The following SLC35D4 variants were observed in gnomAD, a reference collection of about 807,000 sequenced individuals.
The protein encoded by SLC35D4 is UDP-N-acetylglucosamine transporter SLC35D4.
At chr18:23,354,498 C>T in the SLC35D4 span, among the ~76,000 whole-genome samples, 49 of 142,504 alleles carry the variant, frequency 3.4e-4, no homozygotes, top group Non-Finnish European at 5.6e-4. Flanking sequence ...CTAACCTGGG[C>T]GACAGAGCGA....
At chr18:23,252,977 C>T in the SLC35D4 span, 22 of 1,611,590 alleles carry the variant, frequency 1.4e-5, no homozygotes, top group Non-Finnish European at 1.7e-5. Context: ...TGATTGACTA[C>T]GTGAAGCCCT....
the SLC35D4 span, chr18:23,371,490 A>G: frequency 6.3e-7 from 1 of 1,586,298 alleles, no homozygotes; most frequent in Non-Finnish European, 8.6e-7. Flanking sequence ...AAAATTAAAA[A>G]AAGAAAAAAT....
At chr18:23,386,963 G>A in the SLC35D4 span, among the ~76,000 whole-genome samples, 3 of 152,158 alleles carry the variant, frequency 2.0e-5, no homozygotes, top group South Asian at 2.1e-4. Flanking sequence ...GGGCTGGAGC[G>A]CAGTGGTGCC....
At chr18:23,281,765 T>C in the SLC35D4 span, among the ~76,000 whole-genome samples, 3 of 152,306 alleles carry the variant, frequency 2.0e-5, no homozygotes, top group East Asian at 5.8e-4. Context: ...CAGAGAGATT[T>C]TGCCTCGAGG....
At chr18:23,397,918 T>C in the SLC35D4 span, among the ~76,000 whole-genome samples, 1 of 152,108 alleles carries the variant, frequency 6.6e-6, no homozygotes, top group Non-Finnish European at 1.5e-5. Flanking sequence ...CTGGGTGTAT[T>C]GGCAAGTACC....
the SLC35D4 span, among the ~76,000 whole-genome samples, chr18:23,404,091 C>G: frequency 3.0e-4 from 46 of 152,228 alleles, no homozygotes; most frequent in African/African-American, 1.1e-3. Flanking sequence ...GCACTCCAGC[C>G]TGGCGATAGA....
the SLC35D4 span, among the ~76,000 whole-genome samples, chr18:23,265,600 A>G: frequency 6.6e-6 from 1 of 151,886 alleles, no homozygotes; most frequent in Non-Finnish European, 1.5e-5. Context: ...TTTGGCTACA[A>G]TGACCCTGGC....
At chr18:23,365,537 T>C in the SLC35D4 span, 1 of 1,439,222 alleles carries the variant, frequency 6.9e-7, no homozygotes, top group South Asian at 1.3e-5. Flanking sequence ...TGGGGGGCAA[T>C]GACATGCTCT....
chr18:23,341,898 T>A, the SLC35D4 span, among the ~76,000 whole-genome samples: 1 of 151,920 alleles, frequency 6.6e-6, no homozygotes, highest in Non-Finnish European at 1.5e-5. Flanking sequence ...AGAAAAATTA[T>A]AAACTTCCCT....
At chr18:23,321,605 C>T in the SLC35D4 span, among the ~76,000 whole-genome samples, 1 of 152,160 alleles carries the variant, frequency 6.6e-6, no homozygotes, top group Non-Finnish European at 1.5e-5. Context: ...CAGGCATGTG[C>T]CACCACACCC....
At chr18:23,275,632 C>A in the SLC35D4 span, among the ~76,000 whole-genome samples, 9 of 143,632 alleles carry the variant, frequency 6.3e-5, no homozygotes, top group Admixed American at 3.5e-4. Flanking sequence ...CTGTGCTGTG[C>A]TGTGCTGTGC....
the SLC35D4 span, chr18:23,253,750 G>A: frequency 1.2e-6 from 2 of 1,614,216 alleles, no homozygotes; most frequent in Admixed American, 3.3e-5. Context: ...AGATGCGGAA[G>A]CTTGCGCAGG....
chr18:23,320,648 C>G, the SLC35D4 span, among the ~76,000 whole-genome samples: 2 of 152,168 alleles, frequency 1.3e-5, no homozygotes, highest in East Asian at 3.8e-4. Context: ...TGAGCTCAAC[C>G]CAACCAGGGA....
the SLC35D4 span, among the ~76,000 whole-genome samples, chr18:23,434,702 G>T: frequency 2.0e-5 from 3 of 152,112 alleles, no homozygotes; most frequent in South Asian, 6.2e-4. Flanking sequence ...GCTGAGGTGT[G>T]TGGATCGCTT....
chr18:23,421,298 T>G, the SLC35D4 span: 1 of 1,317,264 alleles, frequency 7.6e-7, no homozygotes, highest in East Asian at 2.3e-5. Flanking sequence ...TAACACCATA[T>G]GAAATTATAT....
At chr18:23,267,895 A>G in the SLC35D4 span, among the ~76,000 whole-genome samples, 3 of 152,048 alleles carry the variant, frequency 2.0e-5, no homozygotes, top group South Asian at 6.2e-4. Context: ...CACACACAAC[A>G]TCCCATGGTT....
At chr18:23,394,055 TC>T in the SLC35D4 span, among the ~76,000 whole-genome samples, 4 of 152,248 alleles carry the variant, frequency 2.6e-5, no homozygotes, top group Non-Finnish European at 5.9e-5. Flanking sequence ...TTCTTTCAGT[TC>T]TTTTGGGTAT....
the SLC35D4 span, among the ~76,000 whole-genome samples, chr18:23,269,829 G>A: frequency 6.6e-6 from 1 of 152,210 alleles, no homozygotes; most frequent in Non-Finnish European, 1.5e-5. Flanking sequence ...GTGGAACTTT[G>A]AACTTGAGAG....
chr18:23,373,722 T>C, the SLC35D4 span: 615 of 1,613,770 alleles, frequency 3.8e-4, 5 homozygotes, highest in South Asian at 6.4e-4. Flanking sequence ...CTGGGAGTCA[T>C]TGAAGGGAAG....
Sources: gnomAD v4.1 joint callset for allele counts (sites outside exome capture counted in the v4.1 genomes callset) on GRCh38, gnomAD v4.1.1 for gene constraint, MANE v1.5 for transcripts, NCBI Gene and HGNC (gene_info 2026-07-23, HGNC 2026-07-21) for gene names.